The following CYLC1 variants were observed in gnomAD, a reference collection of about 807,000 sequenced individuals.
CYLC1 encodes cylicin-1.
A neutral mutation model predicts 31.6 loss-of-function variants in CYLC1; 2 were observed. The observed-to-expected ratio is 0.06, with a 90% CI of 0.03 to 0.20. The LOEUF (loss-of-function observed/expected upper bound fraction) is 0.20, where lower values mean the gene tolerates loss of function less well. CYLC1 is among the 10% of genes least tolerant of loss of function. The pLI is 1.00. For missense variants in CYLC1, 595 were observed against 424.1 expected (o/e 1.40, Z -3.54); for synonymous variants, 185 against 153.0 (o/e 1.21, Z -1.54).
At position 83,873,045 on chromosome X, in the gene CYLC1, G is replaced by A; in HGVS notation, c.337G>A (p.Ala113Thr). The A allele has an allele frequency of 2.5e-6, 3 of 1,201,167 alleles. No individual in the cohort carries two copies. In the East Asian group the frequency reaches 8.9e-5, roughly 36 times the overall value. The change falls in exon 4 of 5, where the codon GCA becomes ACA. Residue 113 changes from alanine (A) to threonine (T), a missense_variant. By Grantham distance (58) the Ala-to-Thr change is moderately conservative (BLOSUM62 0). Coordinates refer to ENST00000329312, the MANE Select transcript of CYLC1 (RefSeq NM_021118.3). ...TACTTCCAAAACCCATCTTAAAAAA[G>A]CAGAATATAAAAAGTCCAAAGATGA... ...LYTSKTHLKK[A>T]EYKKSKDEKG...
At position 83,866,418 on chromosome X, in the gene CYLC1, G is replaced by C. The variant is rs921644658; in HGVS notation, c.18-3447G>C. On this transcript the variant is annotated intron_variant, in intron 1 of 4. Transcript: ENST00000329312. ...CTGGGCTTTCAGCTCTATCCTCAGA[G>C]TTAGCCATCATTTTTCTTAAAGTAT... Among the ~76,000 whole-genome samples, 6 of 110,973 alleles carry C rather than the reference G, an allele frequency of 5.4e-5. No individual in the cohort carries two copies. In the Admixed American group the frequency reaches 5.8e-4, roughly 11 times the overall value.
chrX:83,862,729 T>A (rs1231079275), intron 1 of CYLC1, among the ~76,000 whole-genome samples: 2 of 111,612 alleles, frequency 1.8e-5, no homozygotes, highest in African/African-American at 6.5e-5. Flanking sequence ...TTAGGCATTA[T>A]CTCTTTGAAA....
At chrX:83,871,901 T>C (rs1569333427) in intron 3 of CYLC1, among the ~76,000 whole-genome samples, 1 of 111,252 alleles carries the variant, frequency 9.0e-6, no homozygotes, top group Non-Finnish European at 1.9e-5. Flanking sequence ...CAAGGCCTCC[T>C]TATTTTACAA....
At chrX:83,868,831 T>C (rs1286979833) in intron 1 of CYLC1, among the ~76,000 whole-genome samples, 3 of 111,102 alleles carry the variant, frequency 2.7e-5, no homozygotes. Flanking sequence ...ATTATATATC[T>C]TTCACGTTAT....
intron 2 of CYLC1, among the ~76,000 whole-genome samples, chrX:83,870,250 A>G (rs754988834): frequency 8.9e-6 from 1 of 111,766 alleles, no homozygotes; most frequent in Non-Finnish European, 1.9e-5. Flanking sequence ...AGAGAGATGA[A>G]AACAGTTAAT....
chrX:83,868,638 C>A (rs1423702151), intron 1 of CYLC1, among the ~76,000 whole-genome samples: 1 of 110,808 alleles, frequency 9.0e-6, no homozygotes, highest in East Asian at 2.8e-4. Flanking sequence ...TGATTAAAAT[C>A]ATTTATTGAA....
chrX:83,874,952 A>G (rs1171829931), intron 4 of CYLC1, among the ~76,000 whole-genome samples: 1 of 111,326 alleles, frequency 9.0e-6, no homozygotes, highest in African/African-American at 3.3e-5. Context: ...GAAAAGAACA[A>G]AAATGAAAAT....
At chrX:83,882,362 T>TCTTAC (rs767193447) in intron 4 of CYLC1, among the ~76,000 whole-genome samples, 89 of 110,751 alleles carry the variant, frequency 8.0e-4, no homozygotes, top group South Asian at 6.5e-3. Context: ...GTAACCTTTT[T>TCTTAC]CCTACCCTTT....
At position 83,874,107 on chromosome X, in the gene CYLC1, G is replaced by T. The variant is rs766026772; in HGVS notation, c.1399G>T (p.Asp467Tyr). The change falls in exon 4 of 5, where the codon GAT (aspartate) becomes TAT (tyrosine). Residue 467 changes from aspartate to tyrosine, a missense_variant. Transcript: ENST00000329312. The stretch of plus-strand genomic sequence containing the variant: ...AAAGGATGAAAAGAAGGGGAAGAAA[G>T]ATTCAAAGAAAGATGACAAAAAGAA... The part of the protein sequence containing the change: ...GKKDEKKGKK[D>Y]SKKDDKKKDA... 1.1e-5 allele frequency: 13 copies of T among 1,200,661 alleles called. No individual in the cohort carries two copies. The highest frequency in any genetic ancestry group is 1.1e-4 in the African/African-American group (6 of 56,260).
At position 83,872,925 on chromosome X, in the gene CYLC1, G is replaced by A. The variant is rs2031692179; in HGVS notation, c.217G>A (p.Ala73Thr). The A allele has an allele frequency of 8.4e-7, 1 of 1,185,935 alleles. No individual in the cohort carries two copies. Among genetic ancestry groups the A allele is most frequent in the Non-Finnish European group, 1.1e-6 (1 of 887,054 alleles). ...KRKLEEGQKP[A>T]HKWIRHSFRK... is the part of the protein sequence containing the mutation. ...AAAACTAGAAGAAGGCCAGAAACCA[G>A]CTCATAAATGGATAAGGCATTCTTT... The change falls in exon 4 of 5, where the codon GCT becomes ACT. Residue 73 changes from alanine (A) to threonine (T), a missense_variant. Coordinates refer to ENST00000329312, the MANE Select transcript of CYLC1 (RefSeq NM_021118.3).
In CYLC1 at chrX:83,877,933, A is replaced by T. The variant is rs185314746; in HGVS notation, c.1923+3302A>T. On this transcript the variant is annotated intron_variant, in intron 4 of 4. Coordinates refer to ENST00000329312, the MANE Select transcript of CYLC1 (RefSeq NM_021118.3). ...AAATATATATATATATATAAATATAAATATATATATTTGTATATAAATATA... is the reference window on the plus strand; with the variant it reads ...AAATATATATATATATATAAATATATATATATATATTTGTATATAAATATA... Among the ~76,000 whole-genome samples the T allele has an allele frequency of 4.8e-3, 313 of 65,525 alleles. 8 individuals are homozygous for T. The highest frequency in any genetic ancestry group is 0.04 in the East Asian group (35 of 872). The allele number at this position is 65,525 out of a possible 115,157, so 56.9% of individuals were successfully genotyped here.
intron 1 of CYLC1, among the ~76,000 whole-genome samples, chrX:83,866,822 A>G (rs1259507405): frequency 9.0e-6 from 1 of 111,292 alleles, no homozygotes; most frequent in Non-Finnish European, 1.9e-5. Context: ...TTAATTTATC[A>G]TCTTTTAAAA....
At chrX:83,884,674 G>A (rs1053136189) in intron 4 of CYLC1, among the ~76,000 whole-genome samples, 4 of 111,441 alleles carry the variant, frequency 3.6e-5, no homozygotes, top group African/African-American at 1.3e-4. Context: ...ATAGGTGGGA[G>A]GAATTTCTGG....
At chrX:83,862,389 A>G (rs2031524190) in intron 1 of CYLC1, among the ~76,000 whole-genome samples, 1 of 107,602 alleles carries the variant, frequency 9.3e-6, no homozygotes, top group Non-Finnish European at 1.9e-5. Flanking sequence ...AAAAAAAAAA[A>G]AAAATCAGCC....
rs772706214 is a variant in CYLC1, at chrX:83,865,899, CTT to C, written c.18-3964_18-3963del. Among the ~76,000 whole-genome samples, 266 of 111,559 alleles carry C rather than the reference CTT, an allele frequency of 2.4e-3. 2 individuals are homozygous for C. The highest frequency in any genetic ancestry group is 8.2e-3 in the African/African-American group (252 of 30,693). On this transcript the variant is annotated intron_variant, in intron 1 of 4. Transcript: ENST00000329312. ...ACTTCCAGGGATTAGAAAATTGTAT[CTT>C]TAGGGTATATTATTCAGCCTACCAC...
chrX:83,879,532 C>G (rs1042502123), intron 4 of CYLC1, among the ~76,000 whole-genome samples: 3 of 111,993 alleles, frequency 2.7e-5, no homozygotes, highest in African/African-American at 9.7e-5. Flanking sequence ...TGAAAACACA[C>G]ACAGAATTTT....
chrX:83,861,644 T>A (rs903245232), intron 1 of CYLC1, among the ~76,000 whole-genome samples: 17 of 112,002 alleles, frequency 1.5e-4, no homozygotes, highest in African/African-American at 5.5e-4. Flanking sequence ...GAAAGTGCAG[T>A]AAGTTTATTT....
At position 83,874,284 on chromosome X, in the gene CYLC1, G is replaced by A; in HGVS notation, c.1576G>A (p.Glu526Lys). 8.3e-7 allele frequency: 1 copy of A among 1,209,706 alleles called. No homozygotes were observed. The highest frequency in any genetic ancestry group is 1.1e-6 in the Non-Finnish European group (1 of 894,572). Residue 526 changes from glutamate to lysine, a missense_variant, in exon 4 of 5, where the codon GAA (glutamate) becomes AAA (lysine). Glu to Lys is a moderately conservative substitution (Grantham distance 56, BLOSUM62 1). Transcript: ENST00000329312. ...AGAGTCTACTGATGCTGAATTTGAT[G>A]AATCTTCCAAGACAGGCTTTAAAAC... ...DTESTDAEFD[E>K]SSKTGFKTST...
chrX:83,864,995 A>T (rs930542585), intron 1 of CYLC1, among the ~76,000 whole-genome samples: 2 of 110,856 alleles, frequency 1.8e-5, no homozygotes, highest in Non-Finnish European at 3.8e-5. Context: ...AATATCATCC[A>T]TTCCAATGAT....
Sources: allele counts gnomAD v4.1 joint callset (sites outside exome capture counted in the v4.1 genomes callset), GRCh38; gene constraint gnomAD v4.1.1; transcripts MANE v1.5; gene names NCBI Gene and HGNC (gene_info 2026-07-23, HGNC 2026-07-21).